Variants in ZNF670 observed in about 807,000 individuals in gnomAD.
The protein encoded by ZNF670 is zinc finger protein 670.
Under a neutral mutation model 10.9 loss-of-function variants are expected in ZNF670, and 7 were observed. That is an observed-to-expected ratio of 0.64 (90% CI 0.36 to 1.20). ZNF670 has a LOEUF of 1.20. Ranked by LOEUF, ZNF670 falls within the 50% of genes most tolerant of loss-of-function variation. The probability of loss-of-function intolerance (pLI) is 0.02; values close to 1 mark genes in which losing one functional copy is unlikely to be tolerated. For missense variants in ZNF670, 446 were observed against 458.6 expected (o/e 0.97, Z 0.25); for synonymous variants, 136 against 152.7 (o/e 0.89, Z 0.81).
rs1317950077 is a variant in ZNF670, at chr1:247,038,024, A to T, written c.595T>A (p.Cys199Ser). Residue 199 changes from cysteine (C) to serine (S), a missense_variant, in exon 4 of 4, where the codon TGT becomes AGT. Physicochemically the swap from Cys to Ser is moderately radical, Grantham distance 112. Coordinates refer to ENST00000366503, the MANE Select transcript of ZNF670 (RefSeq NM_033213.5). ...STYTGEKTYK[C>S]KHCDKAFNYS... is the part of the protein sequence containing the mutation. ...TTGAAGGCTTTATCACAATGTTTAC[A>T]TTTATATGTTTTCTCTCCAGTGTAA... 5 of 1,613,850 alleles carry T rather than the reference A, an allele frequency of 3.1e-6. No homozygotes were observed.
chr1:247,035,834 G>T lies in ZNF670; in HGVS notation c.*1615C>A. Among the ~76,000 whole-genome samples the T allele has an allele frequency of 6.6e-6, 1 of 152,256 alleles. No homozygotes were observed. The highest frequency in any genetic ancestry group is 2.1e-4 in the South Asian group (1 of 4,826). Reference sequence around the variant, plus strand: ...TTTCTTATCTGAAATACTTGGGAACGGAAGTGCTTTGGATTTCAGACTTTT... The same window carrying T: ...TTTCTTATCTGAAATACTTGGGAACTGAAGTGCTTTGGATTTCAGACTTTT... On this transcript the variant is annotated 3_prime_UTR_variant, in exon 4 of 4. Transcript: ENST00000366503.
At chr1:247,053,391 G>T (rs189247068) in intron 1 of ZNF670, among the ~76,000 whole-genome samples, 44 of 152,292 alleles carry the variant, frequency 2.9e-4, no homozygotes, top group Admixed American at 2.6e-3. Flanking sequence ...CCAGTACTTT[G>T]GGAGGCCGAG....
chr1:247,059,908 A>G (rs564103625), intron 1 of ZNF670, among the ~76,000 whole-genome samples: 3 of 152,214 alleles, frequency 2.0e-5, no homozygotes, highest in African/African-American at 7.2e-5. Flanking sequence ...CAGCACTTAT[A>G]TAGCACCCAG....
At chr1:247,052,252 G>A (rs1670615061) in intron 1 of ZNF670, among the ~76,000 whole-genome samples, 1 of 152,164 alleles carries the variant, frequency 6.6e-6, no homozygotes, top group Non-Finnish European at 1.5e-5. Flanking sequence ...CTCAAGGGCT[G>A]TGGTTCAGAT....
Position 247,053,645 on chromosome 1 carries a change from A to AAAAC in ZNF670, c.4-14112_4-14109dup, listed in dbSNP as rs994766122. The stretch of plus-strand genomic sequence containing the variant: ...AGCGAGACTCCGTCTCAAAAAACAA[A>AAAAC]AAACAAACAAACAAACAAAAATGGC... On this transcript the variant is annotated intron_variant, in intron 1 of 3. Coordinates refer to ENST00000366503, the MANE Select transcript of ZNF670 (RefSeq NM_033213.5). Among the ~76,000 whole-genome samples, 4 of 151,826 alleles carry AAAAC rather than the reference A, an allele frequency of 2.6e-5. No homozygotes were observed. The East Asian group carries it at 5.8e-4, about 22-fold the overall frequency.
chr1:247,051,004 T>C (rs1295690052), intron 1 of ZNF670, among the ~76,000 whole-genome samples: 1 of 151,962 alleles, frequency 6.6e-6, no homozygotes, highest in African/African-American at 2.4e-5. Context: ...TGAAGTTCTG[T>C]TTCATGATTT....
At chr1:247,068,754 C>G (rs1224536309) in intron 1 of ZNF670, among the ~76,000 whole-genome samples, 1 of 139,762 alleles carries the variant, frequency 7.2e-6, no homozygotes, top group Non-Finnish European at 1.5e-5. Flanking sequence ...GATGTGGAAG[C>G]AACCTAAGTG....
chr1:247,042,658 A>T (rs12120876), intron 1 of ZNF670: 26,146 of 268,306 alleles, frequency 0.097, 1,609 homozygotes, highest in South Asian at 0.2. Context: ...GAAGTAGAAG[A>T]AAGTAAGTTT....
rs1447689670 is a variant in ZNF670, at chr1:247,039,505, G to C, written c.36C>G (p.Ala12=). Reference sequence around the variant, plus strand: ...GCAAAGCCCACTCCTCCTGAGTAAAGGCCACAGCCACATCTTCAAATGACA... The same window carrying C: ...GCAAAGCCCACTCCTCCTGAGTAAACGCCACAGCCACATCTTCAAATGACA... ...DSVSFEDVAV[A]FTQEEWALLD... is the part of the protein sequence containing the mutation. Residue 12 remains alanine, a synonymous_variant, in exon 2 of 4, where the codon GCC becomes GCG. Coordinates refer to ENST00000366503, the MANE Select transcript of ZNF670 (RefSeq NM_033213.5). 2 of 1,601,008 alleles carry C rather than the reference G, an allele frequency of 1.2e-6. No individual in the cohort carries two copies. The highest frequency in any genetic ancestry group is 1.1e-5 in the South Asian group (1 of 89,122).
intron 1 of ZNF670, among the ~76,000 whole-genome samples, chr1:247,059,583 A>G (rs1468083616): frequency 1.3e-5 from 2 of 152,236 alleles, no homozygotes; most frequent in East Asian, 3.8e-4. Context: ...AATTGACTTT[A>G]TCACATCAAC....
rs1670158025 is a variant in ZNF670, at chr1:247,036,672, T to G, written c.*777A>C. 6.6e-6 allele frequency: 1 copy of G among 151,992 alleles called. No homozygotes were observed. Among genetic ancestry groups the G allele is most frequent in the Non-Finnish European group, 1.5e-5 (1 of 68,010 alleles). The allele number at this position is 151,992 out of a possible 1,614,324, so 9.4% of individuals were successfully genotyped here. A position where few individuals can be genotyped will look rare whatever the true frequency, so the allele number is the denominator to read the frequency against. On this transcript the variant is annotated 3_prime_UTR_variant, in exon 4 of 4. Transcript: ENST00000366503. ...CAAAGTGAGACCCTCTCTAAAAACATAACATTTTTTAAAAAAGTGAACTAT... is the reference window on the plus strand; with the variant it reads ...CAAAGTGAGACCCTCTCTAAAAACAGAACATTTTTTAAAAAAGTGAACTAT...
chr1:247,052,753 A>G (rs1408138283), intron 1 of ZNF670, among the ~76,000 whole-genome samples: 1 of 152,168 alleles, frequency 6.6e-6, no homozygotes, highest in Non-Finnish European at 1.5e-5. Flanking sequence ...CACTTTCAAG[A>G]GAGCATCAGC....
intron 1 of ZNF670, among the ~76,000 whole-genome samples, chr1:247,041,317 A>C (rs1670302492): frequency 6.6e-6 from 1 of 152,246 alleles, no homozygotes; most frequent in Non-Finnish European, 1.5e-5. Flanking sequence ...AGTGGGAAAA[A>C]ACTGTAATAC....
Position 247,078,688 on chromosome 1 carries a change from C to A in ZNF670, c.-92G>T, listed in dbSNP as rs1671314374. ...AGAAGCTGCCGCGGGACCACTTGGA[C>A]CTCCCAGGGATAAGGGGAAGGAGCA... On this transcript the variant is annotated 5_prime_UTR_variant, in exon 1 of 4. Transcript: ENST00000366503. The A allele has an allele frequency of 7.0e-7, 1 of 1,435,818 alleles. No homozygotes were observed. Among genetic ancestry groups the A allele is most frequent in the Admixed American group, 1.8e-5 (1 of 55,864 alleles). The allele number at this position is 1,435,818 out of a possible 1,614,324, so 88.9% of individuals were successfully genotyped here. A position where few individuals can be genotyped will look rare whatever the true frequency, so the allele number is the denominator to read the frequency against.
At chr1:247,044,754 G>C (rs1198506885) in intron 1 of ZNF670, among the ~76,000 whole-genome samples, 1 of 152,110 alleles carries the variant, frequency 6.6e-6, no homozygotes, top group African/African-American at 2.4e-5. Flanking sequence ...GCTAACTGTT[G>C]AGTATACATG....
Position 247,038,064 on chromosome 1 carries a change from T to C in ZNF670, c.555A>G (p.Gln185=). 2 of 1,614,202 alleles carry C rather than the reference T, an allele frequency of 1.2e-6. No homozygotes were observed. The highest frequency in any genetic ancestry group is 1.7e-6 in the Non-Finnish European group (2 of 1,180,020). The part of the protein sequence containing the change: ...EKPFDFPSVF[Q]MPQSTYTGEK... ...CTCCAGTGTAAGTGCTCTGAGGCAT[T>C]TGAAATACACTAGGAAAATCAAAAG... Residue 185 remains glutamine (Q), a synonymous_variant, in exon 4 of 4, where the codon CAA becomes CAG. Coordinates refer to ENST00000366503, the MANE Select transcript of ZNF670 (RefSeq NM_033213.5).
intron 1 of ZNF670, among the ~76,000 whole-genome samples, chr1:247,068,941 C>T (rs535877812): frequency 6.8e-6 from 1 of 148,104 alleles, no homozygotes; most frequent in South Asian, 2.2e-4. Flanking sequence ...AAACAAATAT[C>T]GCATGTTCTC....
intron 1 of ZNF670, among the ~76,000 whole-genome samples, chr1:247,050,291 T>C (rs920773608): frequency 6.6e-6 from 1 of 152,210 alleles, no homozygotes; most frequent in Admixed American, 6.5e-5. Context: ...TTTCTCTTTG[T>C]TAATTGCTAT....
intron 1 of ZNF670, among the ~76,000 whole-genome samples, chr1:247,073,629 T>C (rs900532702): frequency 6.6e-6 from 1 of 152,226 alleles, no homozygotes; most frequent in Non-Finnish European, 1.5e-5. Context: ...TGAGTCCTTT[T>C]TCTGATACCA....
Sources: gnomAD v4.1 joint callset for allele counts (sites outside exome capture counted in the v4.1 genomes callset) on GRCh38, gnomAD v4.1.1 for gene constraint, MANE v1.5 for transcripts, NCBI Gene and HGNC (gene_info 2026-07-23, HGNC 2026-07-21) for gene names.